The following RACGAP1 variants were observed in gnomAD, a reference collection of about 807,000 sequenced individuals.
RACGAP1 encodes rac GTPase-activating protein 1.
Under a neutral mutation model 78.1 loss-of-function variants are expected in RACGAP1, and 30 were observed. The observed-to-expected ratio is 0.38, with a 90% CI of 0.29 to 0.52. The LOEUF is 0.52. Among genes scored for constraint, RACGAP1 ranks in the 20% least tolerant of loss-of-function variants. The probability of loss-of-function intolerance (pLI) is 0.82; values close to 1 mark genes in which losing one functional copy is unlikely to be tolerated. For synonymous variants in RACGAP1, 231 were observed against 264.8 expected (o/e 0.87, Z 1.24); for missense variants, 587 against 777.1 (o/e 0.76, Z 2.91).
In RACGAP1 at chr12:49,999,167, G is replaced by T. The variant is rs758995379; in HGVS notation, c.853C>A (p.Arg285Ser). 6.2e-7 allele frequency: 1 copy of T among 1,604,192 alleles called. No homozygotes were observed. Among genetic ancestry groups the T allele is most frequent in the Admixed American group, 1.8e-5 (1 of 56,748 alleles). Residue 285 changes from arginine (R) to serine (S), a missense_variant, in exon 9 of 17, where the codon CGC becomes AGC. Arg to Ser is a moderately radical substitution (Grantham distance 110, BLOSUM62 -1). Coordinates refer to ENST00000312377, the MANE Select transcript of RACGAP1 (RefSeq NM_001319999.2). ...VGTPQSNGGM[R>S]LHDFVSKTVI... ...GTCTTAGAAACAAAGTCATGCAGGC[G>T]CATCCCTCCATTACTCTGTGGCGTG...
chr12:50,029,676 G>A (rs1022335023), upstream of RACGAP1, among the ~76,000 whole-genome samples: 1 of 151,940 alleles, frequency 6.6e-6, no homozygotes, highest in Non-Finnish European at 1.5e-5. Flanking sequence ...GGCAGATCAC[G>A]AGGTCAGGAG....
At chr12:50,024,830 T>G (rs1402310230) in intron 1 of RACGAP1, among the ~76,000 whole-genome samples, 1 of 151,828 alleles carries the variant, frequency 6.6e-6, no homozygotes, top group Non-Finnish European at 1.5e-5. Context: ...ACCCCCACTT[T>G]CCGACACACA....
In RACGAP1 at chr12:50,025,443, C is replaced by T. The variant is rs1400777181; in HGVS notation, c.-50G>A. The T allele has an allele frequency of 1.0e-6, 1 of 985,550 alleles. No homozygotes were observed. Among genetic ancestry groups the T allele is most frequent in the Non-Finnish European group, 1.2e-6 (1 of 830,106 alleles). 61.1% of individuals were successfully genotyped at this position (985,550 alleles called of 1,614,324 possible). Reference sequence around the variant, plus strand: ...CTGGGCCACCCTTCACTTCGCTCCGCGCCTCACCCAACGGCAGAGCAGCGC... The same window carrying T: ...CTGGGCCACCCTTCACTTCGCTCCGTGCCTCACCCAACGGCAGAGCAGCGC... On this transcript the variant is annotated 5_prime_UTR_variant, in exon 1 of 17. Coordinates refer to ENST00000312377, the MANE Select transcript of RACGAP1 (RefSeq NM_001319999.2).
chr12:49,996,097 A>T, intron 10 of RACGAP1, among the ~76,000 whole-genome samples: 1 of 152,104 alleles, frequency 6.6e-6, no homozygotes. Context: ...GGATCACTTG[A>T]GGTCAGGAGT....
At chr12:50,015,572 C>T (rs1324880998) in intron 2 of RACGAP1, among the ~76,000 whole-genome samples, 2 of 152,086 alleles carry the variant, frequency 1.3e-5, no homozygotes, top group Admixed American at 6.5e-5. Context: ...GAGGCCGAGG[C>T]GGGCAGATCA....
At position 50,008,792 on chromosome 12, in the gene RACGAP1, C is replaced by T. The variant is rs149286716; in HGVS notation, c.86-2156G>A. Among the ~76,000 whole-genome samples, 229 of 152,174 alleles carry T rather than the reference C, an allele frequency of 1.5e-3. 1 individual carries two copies. Among genetic ancestry groups the T allele is most frequent in the Non-Finnish European group, 2.4e-3 (163 of 68,008 alleles). ...ATAGGCATAAGCCACCATGCCCGGC[C>T]GAAAGATACTATTTTTATGTACAAT... On this transcript the variant is annotated intron_variant, in intron 2 of 16. Coordinates refer to ENST00000312377, the MANE Select transcript of RACGAP1 (RefSeq NM_001319999.2).
chr12:50,018,952 C>T (rs989503825), intron 1 of RACGAP1, among the ~76,000 whole-genome samples: 9 of 151,946 alleles, frequency 5.9e-5, no homozygotes, highest in Non-Finnish European at 8.8e-5. Context: ...AGTGATTCTC[C>T]GGCCTCAGCC....
chr12:50,022,408 C>A (rs1351122956), intron 1 of RACGAP1, among the ~76,000 whole-genome samples: 9 of 152,116 alleles, frequency 5.9e-5, no homozygotes, highest in Non-Finnish European at 1.3e-4. Context: ...CATGGAGAAA[C>A]CCTGTCTCTA....
intron 5 of RACGAP1, among the ~76,000 whole-genome samples, 192 bp downstream of exon 5, chr12:50,004,043 C>T (rs919534864): frequency 2.0e-4 from 31 of 152,162 alleles, no homozygotes; most frequent in African/African-American, 7.0e-4. Flanking sequence ...ATTCTCACTT[C>T]AGAAACTAAT....
intron 8 of RACGAP1, 122 bp downstream of exon 8, chr12:49,999,494 T>G (rs1461841572): frequency 2.0e-6 from 2 of 986,222 alleles, no homozygotes; most frequent in Non-Finnish European, 1.6e-6. Context: ...GTCCTCGGTA[T>G]GCAGCAGTAA....
At chr12:49,996,915 T>C (rs1459199898) in intron 10 of RACGAP1, 125 bp downstream of exon 10, 1 of 1,343,190 alleles carries the variant, frequency 7.4e-7, no homozygotes, top group Non-Finnish European at 9.6e-7. Flanking sequence ...TATCTTACAA[T>C]TCTAGTCATT....
intron 2 of RACGAP1, among the ~76,000 whole-genome samples, chr12:50,015,551 C>G (rs1277740912): frequency 6.6e-6 from 1 of 152,092 alleles, no homozygotes; most frequent in African/African-American, 2.4e-5. Context: ...CCTGTAATCC[C>G]AGCACTTTGG....
chr12:49,995,876 C>G (rs573378195), intron 10 of RACGAP1, among the ~76,000 whole-genome samples: 1 of 152,158 alleles, frequency 6.6e-6, no homozygotes, highest in African/African-American at 2.4e-5. Context: ...TTTTGATAAC[C>G]TATTATGAAG....
chr12:49,997,114 G>T lies in RACGAP1; in HGVS notation c.970C>A (p.His324Asn). ...LKCRDCRVVS[H>N]PECRDRCPLP... The stretch of plus-strand genomic sequence containing the variant: ...GGACAGCGGTCCCGACATTCTGGAT[G>T]AGAGACCACACGACAGTCTCGACAC... The change falls in exon 10 of 17, where the codon CAT becomes AAT. Residue 324 changes from histidine (H) to asparagine (N), a missense_variant. His to Asn is a moderately conservative substitution (Grantham distance 68). Coordinates refer to ENST00000312377, the MANE Select transcript of RACGAP1 (RefSeq NM_001319999.2). The T allele has an allele frequency of 6.2e-7, 1 of 1,610,554 alleles. No individual in the cohort carries two copies. The highest frequency in any genetic ancestry group is 8.5e-7 in the Non-Finnish European group (1 of 1,177,246).
intron 4 of RACGAP1, among the ~76,000 whole-genome samples, chr12:50,004,817 C>G (rs994939785): frequency 1.3e-5 from 2 of 152,316 alleles, no homozygotes; most frequent in African/African-American, 2.4e-5. Flanking sequence ...AAATTCAAAG[C>G]CTGGTTGAGA....
chr12:50,004,270 A>G lies in RACGAP1; in HGVS notation c.460T>C (p.Ser154Pro). 6.2e-7 allele frequency: 1 copy of G among 1,606,154 alleles called. No homozygotes were observed. The highest frequency in any genetic ancestry group is 8.5e-7 in the Non-Finnish European group (1 of 1,173,446). The change falls in exon 5 of 17, where the codon TCA becomes CCA. Residue 154 changes from serine (S) to proline (P), a missense_variant. Physicochemically the swap from Ser to Pro is moderately conservative, Grantham distance 74. Coordinates refer to ENST00000312377, the MANE Select transcript of RACGAP1 (RefSeq NM_001319999.2). ...STIDESGSIL[S>P]DISFDKTDES... ...TCAGTCTTGTCAAAGCTGATATCTG[A>G]TAAAATGGAACCAGATTCATCAATG...
At position 50,001,208 on chromosome 12, in the gene RACGAP1, T is replaced by C; in HGVS notation, c.594A>G (p.Val198=). The C allele has an allele frequency of 6.2e-7, 1 of 1,612,092 alleles. No homozygotes were observed. The highest frequency in any genetic ancestry group is 8.5e-7 in the Non-Finnish European group (1 of 1,178,212). The change falls in exon 7 of 17, where the codon GTA becomes GTG. Residue 198 remains valine (V), a synonymous_variant. Coordinates refer to ENST00000312377, the MANE Select transcript of RACGAP1 (RefSeq NM_001319999.2). ...CAGAGCCAATGGAACGAGTTTTCTT[T>C]ACAGGTCCAGGGGGACCATCAACAA... The part of the protein sequence containing the change: ...RQFVDGPPGP[V]KKTRSIGSAV...
At chr12:50,000,517 C>T (rs1041101466) in intron 7 of RACGAP1, among the ~76,000 whole-genome samples, 2 of 152,044 alleles carry the variant, frequency 1.3e-5, no homozygotes, top group Admixed American at 6.5e-5. Context: ...CCTGCAATCC[C>T]AGCATTTTGG....
At chr12:49,994,913 C>T (rs11169236) in intron 10 of RACGAP1, among the ~76,000 whole-genome samples, 10,743 of 151,484 alleles carry the variant, frequency 0.071, 1,281 homozygotes, top group African/African-American at 0.25. Flanking sequence ...AAAGCTGGAA[C>T]AAGAGAAAAA....
Sources: gnomAD v4.1 joint callset for allele counts (sites outside exome capture counted in the v4.1 genomes callset) on GRCh38, gnomAD v4.1.1 for gene constraint, MANE v1.5 for transcripts, NCBI Gene and HGNC (gene_info 2026-07-23, HGNC 2026-07-21) for gene names.